AOAH: variants seen among roughly 807,000 people sequenced by gnomAD.
The protein encoded by AOAH is acyloxyacyl hydrolase (neutrophil).
Under a neutral mutation model 92.2 loss-of-function variants are expected in AOAH, and 64 were observed. The ratio of observed to expected loss-of-function variants is 0.69; its 90% CI spans 0.57 to 0.86. The LOEUF is 0.86. Among genes scored for constraint, AOAH ranks in the 40% least tolerant of loss-of-function variants. The pLI, the probability that AOAH is intolerant of heterozygous loss-of-function variation, is 0.00. For missense variants in AOAH, 656 were observed against 694.6 expected, an observed-to-expected ratio of 0.94 and a Z score of 0.62; for synonymous variants, 263 against 254.5, an observed-to-expected ratio of 1.03 and a Z score of -0.32.
chr7:36,647,531 T>C (rs773467869), intron 4 of AOAH, among the ~76,000 whole-genome samples: 4 of 152,232 alleles, frequency 2.6e-5, no homozygotes, highest in South Asian at 2.1e-4. Flanking sequence ...TCAAATATCA[T>C]AGAAATACCT....
chr7:36,675,574 G>C (rs534674373), intron 2 of AOAH, among the ~76,000 whole-genome samples: 1 of 152,270 alleles, frequency 6.6e-6, no homozygotes, highest in East Asian at 1.9e-4. Context: ...CTACAAAAAA[G>C]TTAAAGAATT....
intron 20 of AOAH, chr7:36,514,490 C>T: frequency 1.3e-6 from 2 of 1,535,824 alleles, no homozygotes; most frequent in Non-Finnish European, 1.7e-6. Flanking sequence ...TCTGCTGTCG[C>T]ATGTCAGGTT....
At chr7:36,574,852 T>C (rs1337978989) in intron 13 of AOAH, among the ~76,000 whole-genome samples, 2 of 152,010 alleles carry the variant, frequency 1.3e-5, no homozygotes, top group African/African-American at 2.4e-5. Context: ...TACGTATACC[T>C]TTTTTTTCCC....
intron 7 of AOAH, 61 bp from the exon 8 acceptor site, chr7:36,621,841 G>T: frequency 6.7e-7 from 1 of 1,491,774 alleles, no homozygotes; most frequent in Non-Finnish European, 9.4e-7. Flanking sequence ...CCACGAGGAA[G>T]GCTAATCAGA....
rs779958834 is a variant in AOAH at position 36,616,413 on chromosome 7, A to G, written c.813T>C (p.Ser271=). The change falls in exon 11 of 21, where the codon TCT becomes TCC. Residue 271 remains serine, a synonymous_variant. Coordinates refer to ENST00000617537, the MANE Select transcript of AOAH (RefSeq NM_001637.4). ...TCTGCGACGCTGTGATCCATTCAGG[A>G]GAGATGTGAAAATGAGCCCCAGCTG... ...GDSAGAHFHI[S]PEWITASQMS... 1 of 1,614,120 alleles carries G rather than the reference A, an allele frequency of 6.2e-7. No individual in the cohort carries two copies. The highest frequency in any genetic ancestry group is 2.2e-5 in the East Asian group (1 of 44,890).
At chr7:36,585,286 T>C (rs937731609) in intron 12 of AOAH, among the ~76,000 whole-genome samples, 2 of 151,900 alleles carry the variant, frequency 1.3e-5, no homozygotes, top group African/African-American at 4.8e-5. Context: ...AACTCACTAG[T>C]AGTCAGGAGG....
chr7:36,684,911 A>C (rs1424670950), intron 2 of AOAH, among the ~76,000 whole-genome samples: 1 of 72,360 alleles, frequency 1.4e-5, no homozygotes, highest in Non-Finnish European at 2.3e-5. Context: ...TGTCTCAAAA[A>C]AAAAAAAAAA....
At chr7:36,540,610 G>C in intron 15 of AOAH, 119 bp from the exon 16 acceptor site, 1 of 916,188 alleles carries the variant, frequency 1.1e-6, no homozygotes, top group Non-Finnish European at 1.6e-6. Flanking sequence ...ACAGTGTGGT[G>C]GTCATTGGAG....
chr7:36,546,980 C>G (rs1328839141), intron 15 of AOAH, among the ~76,000 whole-genome samples: 1 of 152,202 alleles, frequency 6.6e-6, no homozygotes, highest in African/African-American at 2.4e-5. Flanking sequence ...GGACTATAGA[C>G]AGGGAATGGA....
intron 13 of AOAH, among the ~76,000 whole-genome samples, chr7:36,572,745 C>T (rs1788224150): frequency 6.6e-6 from 1 of 152,186 alleles, no homozygotes; most frequent in Non-Finnish European, 1.5e-5. Context: ...TATGACATAT[C>T]TGGTCAGTCA....
rs572518958 is a variant in AOAH, at chr7:36,533,511, C to T, written c.1307-1167G>A. ...TATGGCCACTAAAGTCACAGTGACC[C>T]GCCAGGTCTGTCTTCTGTACAGGCT... On this transcript the variant is annotated intron_variant, in intron 16 of 20. Coordinates refer to ENST00000617537, the MANE Select transcript of AOAH (RefSeq NM_001637.4). Among the ~76,000 whole-genome samples the T allele has an allele frequency of 9.9e-5, 15 of 152,176 alleles. No individual in the cohort carries two copies. The East Asian group carries it at 1.5e-3, about 16-fold the overall frequency.
chr7:36,555,108 A>G (rs1340688404), intron 13 of AOAH, among the ~76,000 whole-genome samples: 1 of 148,394 alleles, frequency 6.7e-6, no homozygotes, highest in Admixed American at 6.7e-5. Flanking sequence ...TCAGTATGAT[A>G]TTGGCTGTGG....
intron 2 of AOAH, among the ~76,000 whole-genome samples, chr7:36,678,600 T>TGTGTGTGTGTGTGTGCGCGCGC (rs549317369): frequency 1.5e-4 from 20 of 131,020 alleles, no homozygotes; most frequent in South Asian, 8.4e-4. Flanking sequence ...TGTGTGTGTG[T>TGTGTGTGTGTGTGTGCGCGCGC]GCGCGCGCGC....
intron 4 of AOAH, among the ~76,000 whole-genome samples, chr7:36,651,652 G>C (rs1040085858): frequency 6.6e-6 from 1 of 152,202 alleles, no homozygotes; most frequent in Non-Finnish European, 1.5e-5. Context: ...TGACTATTCT[G>C]AATGTGCTCC....
chr7:36,724,152 C>G lies in AOAH; in HGVS notation c.-4G>C, dbSNP rs761453663. 1 of 1,612,682 alleles carries G rather than the reference C, an allele frequency of 6.2e-7. No homozygotes were observed. On this transcript the variant is annotated 5_prime_UTR_variant, in exon 1 of 21. Transcript: ENST00000617537. ...GGATTTTCCAGGGGGACTGCATCTC[C>G]GAGCTATGCACCCCAAGTGATCACC... is the stretch of plus-strand genomic sequence containing the variant.
intron 15 of AOAH, among the ~76,000 whole-genome samples, chr7:36,543,891 T>TTTGAC (rs1260202956): frequency 6.6e-6 from 1 of 152,152 alleles, no homozygotes; most frequent in Admixed American, 6.5e-5. Flanking sequence ...GAAGGTGGCT[T>TTTGAC]TTGACTTCTG....
At chr7:36,663,207 C>T (rs987369649) in intron 3 of AOAH, among the ~76,000 whole-genome samples, 2 of 152,144 alleles carry the variant, frequency 1.3e-5, no homozygotes, top group African/African-American at 4.8e-5. Flanking sequence ...GAGGAAAATA[C>T]AGAGATGTCC....
chr7:36,648,433 A>AT (rs1439879651), intron 4 of AOAH, among the ~76,000 whole-genome samples: 2 of 146,476 alleles, frequency 1.4e-5, no homozygotes, highest in Admixed American at 6.8e-5. Context: ...TTTCTTTTTG[A>AT]TTTTTTTAGG....
rs147700609 is a variant in AOAH, at chr7:36,709,150, C to T, written c.127+14872G>A. On this transcript the variant is annotated intron_variant, in intron 1 of 20. Transcript: ENST00000617537. ...CCCTGCTAAACTTATGGCTGATCACCGTTGCTTCATCAGGGATCAAACCTT... is the reference window on the plus strand; with the variant it reads ...CCCTGCTAAACTTATGGCTGATCACTGTTGCTTCATCAGGGATCAAACCTT... Among the ~76,000 whole-genome samples the T allele has an allele frequency of 2.9e-3, 449 of 152,224 alleles. 4 individuals carry two copies. The highest frequency in any genetic ancestry group is 9.8e-3 in the African/African-American group (409 of 41,536).
Sources: allele counts gnomAD v4.1 joint callset (sites outside exome capture counted in the v4.1 genomes callset), GRCh38; gene constraint gnomAD v4.1.1; transcripts MANE v1.5; gene names NCBI Gene and HGNC (gene_info 2026-07-23, HGNC 2026-07-21).